The following CELF2 variants were observed in gnomAD, a reference collection of about 807,000 sequenced individuals.
CELF2 encodes CUGBP Elav-like family member 2.
CELF2 carries 8 observed loss-of-function variants against 62.6 expected under a neutral mutation model. The observed-to-expected ratio is 0.13, with a 90% CI of 0.07 to 0.23. The LOEUF (loss-of-function observed/expected upper bound fraction) is 0.23. Among genes scored for constraint, CELF2 ranks in the 10% least tolerant of loss-of-function variants. CELF2 has a pLI of 1.00. For synonymous variants in CELF2, 258 were observed against 250.0 expected (o/e 1.03, Z -0.30); for missense variants, 333 against 671.0 (o/e 0.50, Z 5.56).
chr10:11,011,878 C>T lies in CELF2; in HGVS notation c.53+6438C>T, dbSNP rs1389565441. ...GCTAAAAATGGCTGGAGATTTGAAC[C>T]ATATTATAGGGAAAAAATAAATTTC... On this transcript the variant is annotated intron_variant, in intron 1 of 12. Coordinates refer to the CELF2 transcript ENST00000416382. This position sits in a 1 kb window ranked among gnomAD's most constrained non-coding sequence, Gnocchi z 4.6. 6.6e-6 allele frequency among the ~76,000 whole-genome samples: 1 copy of T among 152,124 alleles called. No individual in the cohort carries two copies. The highest frequency in any genetic ancestry group is 6.5e-5 in the Admixed American group (1 of 15,284).
Position 10,936,178 on chromosome 10 carries a change from A to G in CELF2, c.89+16179A>G, listed in dbSNP as rs958727972. ...CTCCATCTCACAAAAAAAATAAATA[A>G]AATAATAAAGAGAGAGAAAAGAAAG... On this transcript the variant is annotated intron_variant, in intron 2 of 13. Coordinates refer to the CELF2 transcript ENST00000636488. This position sits in a 1 kb window ranked among gnomAD's most constrained non-coding sequence, Gnocchi z 4.0. Among the ~76,000 whole-genome samples the G allele has an allele frequency of 5.9e-5, 9 of 152,106 alleles. No homozygotes were observed. Among genetic ancestry groups the G allele is most frequent in the African/African-American group, 1.9e-4 (8 of 41,418 alleles).
chr10:10,722,971 T>C, the CELF2 span, among the ~76,000 whole-genome samples: 3 of 152,212 alleles, frequency 2.0e-5, no homozygotes, highest in Non-Finnish European at 2.9e-5. Context: ...TTTTGGATGT[T>C]GATATTCATC....
intron 2 of CELF2, among the ~76,000 whole-genome samples, chr10:10,939,445 C>T (rs2046802721): frequency 6.6e-6 from 1 of 152,010 alleles, no homozygotes; most frequent in Admixed American, 6.6e-5. Flanking sequence ...GCCACCACGC[C>T]ATGATAATTT....
At chr10:11,082,782 T>C (rs1404758326) in intron 1 of CELF2, among the ~76,000 whole-genome samples, 2 of 152,212 alleles carry the variant, frequency 1.3e-5, no homozygotes, top group African/African-American at 4.8e-5. Flanking sequence ...GCCTGCTTGC[T>C]TCATCCATGG....
the CELF2 span, among the ~76,000 whole-genome samples, chr10:10,574,101 G>C: frequency 6.6e-6 from 1 of 152,190 alleles, no homozygotes; most frequent in African/African-American, 2.4e-5. Flanking sequence ...TACAAATTTG[G>C]GACTCAGAAG....
chr10:10,889,917 G>A (rs1200457378), intron 1 of CELF2, among the ~76,000 whole-genome samples: 3 of 152,144 alleles, frequency 2.0e-5, no homozygotes, highest in South Asian at 2.1e-4. Context: ...TCTTTCCTGT[G>A]CATGATAAAT....
chr10:10,600,064 C>T, the CELF2 span, among the ~76,000 whole-genome samples: 1 of 152,054 alleles, frequency 6.6e-6, no homozygotes, highest in African/African-American at 2.4e-5. Flanking sequence ...TTAATGCTGA[C>T]CTTCTGCACA....
chr10:11,228,839 C>G (rs2067559717), intron 3 of CELF2, among the ~76,000 whole-genome samples: 1 of 151,960 alleles, frequency 6.6e-6, no homozygotes, highest in Non-Finnish European at 1.5e-5. Context: ...AAAAACTCTG[C>G]AGGTCACTGA....
chr10:11,122,880 G>C (rs1050282077), intron 1 of CELF2, among the ~76,000 whole-genome samples: 3 of 152,210 alleles, frequency 2.0e-5, no homozygotes, highest in African/African-American at 7.2e-5. Context: ...TATGTGTCGG[G>C]CACCTGGTCT....
intron 1 of CELF2, among the ~76,000 whole-genome samples, chr10:11,068,661 C>T (rs573401824): frequency 6.6e-6 from 1 of 151,990 alleles, no homozygotes; most frequent in Admixed American, 6.5e-5. Flanking sequence ...CCTGGGTTCA[C>T]GCCATTCTCC....
At chr10:10,658,197 A>G in the CELF2 span, among the ~76,000 whole-genome samples, 2 of 152,138 alleles carry the variant, frequency 1.3e-5, no homozygotes, top group African/African-American at 4.8e-5. Context: ...ACCCTAATAC[A>G]TGGTTAGCTT....
intron 2 of CELF2, among the ~76,000 whole-genome samples, chr10:10,941,672 T>G (rs533312586): frequency 9.2e-5 from 14 of 152,152 alleles, no homozygotes; most frequent in Non-Finnish European, 1.8e-4. Flanking sequence ...GATATGCGTG[T>G]TACTTTCCTA....
chr10:11,075,604 G>A lies in CELF2; in HGVS notation c.74+57441G>A, dbSNP rs148635114. ...GATTATTGCTGTGAACATACGTATG[G>A]ACTTAAATGTCCAGGGTCTACAGTG... is the stretch of plus-strand genomic sequence containing the variant. On this transcript the variant is annotated intron_variant, in intron 1 of 12. Transcript: ENST00000633077. This position sits in a 1 kb window ranked among gnomAD's most constrained non-coding sequence, Gnocchi z 5.4. 0.02 allele frequency among the ~76,000 whole-genome samples: 2,997 copies of A among 152,262 alleles called. 103 individuals carry two copies. The highest frequency in any genetic ancestry group is 0.068 in the African/African-American group (2,820 of 41,518).
chr10:10,916,960 A>T (rs988181308), intron 1 of CELF2, among the ~76,000 whole-genome samples: 1 of 151,762 alleles, frequency 6.6e-6, no homozygotes, highest in African/African-American at 2.4e-5. Context: ...AGGAAAAAGA[A>T]CTTAGAGACA....
chr10:10,670,816 G>C, the CELF2 span, among the ~76,000 whole-genome samples: 4 of 147,464 alleles, frequency 2.7e-5, no homozygotes, highest in African/African-American at 1.0e-4. Context: ...GCCTTTTGCA[G>C]AATGTCATAG....
intron 1 of CELF2, among the ~76,000 whole-genome samples, chr10:10,906,760 C>T (rs1311743884): frequency 3.0e-5 from 4 of 131,710 alleles, no homozygotes; most frequent in South Asian, 2.4e-4. Flanking sequence ...CACTCTGTCG[C>T]CAGGCTGTAG....
chr10:10,964,947 T>C (rs2049957980), intron 2 of CELF2, among the ~76,000 whole-genome samples: 1 of 152,166 alleles, frequency 6.6e-6, no homozygotes, highest in Non-Finnish European at 1.5e-5. Context: ...AAAAAACTCT[T>C]AGCCCTCACG....
rs1304987697 is a variant in CELF2, at chr10:11,110,064, G to C, written c.75-55422G>C. The stretch of plus-strand genomic sequence containing the variant: ...GCTTGAGCTCGGGAGTTTGAGACCA[G>C]CTTGGGCAACATAGCAAGACCTCAT... On this transcript the variant is annotated intron_variant, in intron 1 of 12. Coordinates refer to ENST00000633077, the MANE Select transcript of CELF2 (RefSeq NM_001326342.2). The surrounding 1 kb of genome is among the most constrained non-coding windows in gnomAD (Gnocchi z 4.0). 6.6e-6 allele frequency among the ~76,000 whole-genome samples: 1 copy of C among 152,102 alleles called. No individual in the cohort carries two copies. The highest frequency in any genetic ancestry group is 1.5e-5 in the Non-Finnish European group (1 of 68,026).
chr10:10,632,700 G>A, the CELF2 span, among the ~76,000 whole-genome samples: 1 of 152,110 alleles, frequency 6.6e-6, no homozygotes, highest in Non-Finnish European at 1.5e-5. Context: ...AAATATTTAA[G>A]TTATTTTAGT....
Sources: allele counts gnomAD v4.1 joint callset (sites outside exome capture counted in the v4.1 genomes callset), GRCh38; gene constraint gnomAD v4.1.1; non-coding constraint Gnocchi (gnomAD v3.1); transcripts MANE v1.5; gene names NCBI Gene and HGNC (gene_info 2026-07-23, HGNC 2026-07-21).